The following FOXP1 variants were observed in gnomAD, a reference collection of about 807,000 sequenced individuals.
FOXP1 encodes forkhead box P1.
Under a neutral mutation model 98.2 loss-of-function variants are expected in FOXP1, and 15 were observed. The ratio of observed to expected loss-of-function variants is 0.15; its 90% CI spans 0.10 to 0.24. The LOEUF (loss-of-function observed/expected upper bound fraction) is 0.24. Among genes scored for constraint, FOXP1 ranks in the 10% least tolerant of loss-of-function variants. The pLI, the probability that FOXP1 is intolerant of heterozygous loss-of-function variation, is 1.00. For missense variants in FOXP1, 633 were observed against 848.5 expected (o/e 0.75, Z 3.15); for synonymous variants, 371 against 314.5 (o/e 1.18, Z -1.90).
chr3:71,050,836 A>C (rs1336619986), intron 9 of FOXP1, among the ~76,000 whole-genome samples: 1 of 152,228 alleles, frequency 6.6e-6, no homozygotes, highest in African/African-American at 2.4e-5. Context: ...CAACTTGTCC[A>C]AACTGAAGCT....
intron 7 of FOXP1, among the ~76,000 whole-genome samples, chr3:71,058,533 T>C (rs7621612): frequency 0.084 from 12,172 of 145,640 alleles, 1,706 homozygotes; most frequent in African/African-American, 0.29. Context: ...CAAAACAAAT[T>C]AAATTAGAAG....
intron 2 of FOXP1, among the ~76,000 whole-genome samples, chr3:71,558,895 C>T (rs1004286078): frequency 1.3e-5 from 2 of 148,696 alleles, no homozygotes; most frequent in African/African-American, 2.5e-5. Context: ...CTCTGCCTCC[C>T]GGGTTCAAGC....
intron 3 of FOXP1, among the ~76,000 whole-genome samples, chr3:71,451,613 C>T (rs562142211): frequency 5.1e-4 from 78 of 152,092 alleles, no homozygotes; most frequent in Middle Eastern, 3.4e-3. Flanking sequence ...TACAATTTAA[C>T]CTGATGAACA....
chr3:71,454,795 AAAAAAAAAAAC>A (rs61426409), intron 3 of FOXP1, among the ~76,000 whole-genome samples: 50,157 of 135,514 alleles, frequency 0.37, 9,125 homozygotes, highest in Non-Finnish European at 0.48. Context: ...TGTTTTCTTT[AAAAAAAAAAAC>A]AAAAAAAAAA....
chr3:71,418,999 C>T lies in FOXP1; in HGVS notation c.-167-59755G>A, dbSNP rs1409884687. On this transcript the variant is annotated intron_variant, in intron 3 of 20. Transcript: ENST00000649528. ...CTATTAATCCCAGCTCTTTAGGAGG[C>T]CAAGGTGGGTGAATCACCTGAGGTC... Among the ~76,000 whole-genome samples the T allele has an allele frequency of 2.0e-5, 3 of 150,150 alleles. No individual in the cohort carries two copies. The East Asian group carries it at 5.8e-4, about 29-fold the overall frequency.
intron 3 of FOXP1, among the ~76,000 whole-genome samples, chr3:71,461,754 C>G (rs1432982466): frequency 2.0e-5 from 3 of 151,528 alleles, no homozygotes; most frequent in Non-Finnish European, 4.4e-5. Flanking sequence ...GAGCCAAGAT[C>G]GCGCCACTGC....
At chr3:71,433,976 A>C (rs2084971627) in intron 3 of FOXP1, among the ~76,000 whole-genome samples, 1 of 152,224 alleles carries the variant, frequency 6.6e-6, no homozygotes, top group Non-Finnish European at 1.5e-5. Flanking sequence ...GTTTATCTTC[A>C]TATGCCTCAA....
At chr3:71,347,515 G>A (rs1577073280) in intron 4 of FOXP1, among the ~76,000 whole-genome samples, 1 of 152,058 alleles carries the variant, frequency 6.6e-6, no homozygotes, top group East Asian at 1.9e-4. Context: ...TAAAACTGAA[G>A]AACTAAGGTT....
chr3:71,011,383 G>A (rs2043596646), intron 12 of FOXP1, among the ~76,000 whole-genome samples: 1 of 152,064 alleles, frequency 6.6e-6, no homozygotes, highest in Non-Finnish European at 1.5e-5. Context: ...GTCTGCCTAT[G>A]GCTTTTTCTG....
At chr3:71,379,994 G>C (rs1262469694) in intron 3 of FOXP1, among the ~76,000 whole-genome samples, 1 of 152,090 alleles carries the variant, frequency 6.6e-6, no homozygotes, top group Non-Finnish European at 1.5e-5. Flanking sequence ...GGATTGCAGG[G>C]GATATAGAAG....
intron 4 of FOXP1, among the ~76,000 whole-genome samples, chr3:71,357,103 G>A (rs1028143260): frequency 1.3e-5 from 2 of 152,130 alleles, no homozygotes; most frequent in Non-Finnish European, 2.9e-5. Context: ...AGAACAGAGG[G>A]ACAATGCAAA....
chr3:71,579,599 C>T (rs2047987819), intron 2 of FOXP1, among the ~76,000 whole-genome samples: 3 of 151,272 alleles, frequency 2.0e-5, no homozygotes, highest in African/African-American at 4.9e-5. Flanking sequence ...AACTTCATCA[C>T]CAGAGATTTT....
chr3:71,140,015 T>G (rs769721338), intron 6 of FOXP1, among the ~76,000 whole-genome samples: 1 of 152,192 alleles, frequency 6.6e-6, no homozygotes, highest in African/African-American at 2.4e-5. Context: ...CTAAAGATTT[T>G]AAACAAAGTA....
At chr3:71,056,226 C>T (rs945148229) in intron 7 of FOXP1, among the ~76,000 whole-genome samples, 30 of 152,248 alleles carry the variant, frequency 2.0e-4, no homozygotes, top group African/African-American at 6.5e-4. Flanking sequence ...AATACTTTTT[C>T]CCCTTAACTC....
At chr3:71,287,369 G>A (rs370476495) in intron 5 of FOXP1, among the ~76,000 whole-genome samples, 4 of 152,178 alleles carry the variant, frequency 2.6e-5, no homozygotes, top group Admixed American at 6.5e-5. Context: ...TACTCATTGA[G>A]GCTGAGGGGA....
At chr3:71,461,538 C>A (rs1025349608) in intron 3 of FOXP1, among the ~76,000 whole-genome samples, 18 of 152,016 alleles carry the variant, frequency 1.2e-4, no homozygotes, top group African/African-American at 4.3e-4. Context: ...CGTGGTGGCT[C>A]GTGCCTGTAA....
chr3:71,056,095 C>T (rs1363965602), intron 7 of FOXP1, among the ~76,000 whole-genome samples: 1 of 152,176 alleles, frequency 6.6e-6, no homozygotes, highest in Non-Finnish European at 1.5e-5. Flanking sequence ...TGAGGTGGTG[C>T]TCACACACGT....
chr3:71,351,548 A>G (rs1560354253), intron 4 of FOXP1, among the ~76,000 whole-genome samples: 3 of 152,242 alleles, frequency 2.0e-5, no homozygotes, highest in African/African-American at 7.2e-5. Flanking sequence ...TTATAAACCT[A>G]TAATTCTACT....
intron 3 of FOXP1, among the ~76,000 whole-genome samples, chr3:71,447,870 T>C (rs1409942785): frequency 6.6e-6 from 1 of 152,186 alleles, no homozygotes; most frequent in African/African-American, 2.4e-5. Context: ...ATAGAATCTA[T>C]ACAGTATACT....
Sources: allele counts gnomAD v4.1 joint callset (sites outside exome capture counted in the v4.1 genomes callset), GRCh38; gene constraint gnomAD v4.1.1; transcripts MANE v1.5; gene names NCBI Gene and HGNC (gene_info 2026-07-23, HGNC 2026-07-21).